The following AAK1 variants were observed in gnomAD, a reference collection of about 807,000 sequenced individuals.
The protein encoded by AAK1 is AP2-associated protein kinase 1.
A neutral mutation model predicts 116.0 loss-of-function variants in AAK1; 37 were observed. The observed-to-expected ratio is 0.32, with a 90% CI of 0.25 to 0.42. The LOEUF (loss-of-function observed/expected upper bound fraction) is 0.42. Ranked by LOEUF, AAK1 falls within the 10% of genes least tolerant of loss-of-function variation. AAK1 has a pLI of 1.00. For synonymous variants in AAK1, 458 were observed against 439.9 expected (o/e 1.04, Z -0.51); for missense variants, 919 against 1,170.6 (o/e 0.79, Z 3.14).
intron 2 of AAK1, among the ~76,000 whole-genome samples, chr2:69,557,863 G>C (rs139868398): frequency 6.6e-6 from 1 of 151,972 alleles, no homozygotes; most frequent in Non-Finnish European, 1.5e-5. Context: ...CACTCAATTC[G>C]AATCTAGAAA....
rs1303667767 is a variant in AAK1, at chr2:69,606,613, T to C, written c.163+36265A>G. On this transcript the variant is annotated intron_variant, in intron 2 of 21. Coordinates refer to ENST00000409085, the MANE Select transcript of AAK1 (RefSeq NM_014911.5). ...GAATGACACTAGAAGCCACCAATCATTGATCACTCAATAAATGCTTACAAA... is the reference window on the plus strand; with the variant it reads ...GAATGACACTAGAAGCCACCAATCACTGATCACTCAATAAATGCTTACAAA... Among the ~76,000 whole-genome samples, 6 of 152,188 alleles carry C rather than the reference T, an allele frequency of 3.9e-5. No homozygotes were observed. The East Asian group carries it at 7.7e-4, about 20-fold the overall frequency.
In AAK1 at chr2:69,458,766, A is replaced by C. The variant is rs1170246735; in HGVS notation, c.*17103T>G. 1 of 152,708 alleles carries C rather than the reference A, an allele frequency of 6.5e-6. No homozygotes were observed. Among genetic ancestry groups the C allele is most frequent in the East Asian group, 1.9e-4 (1 of 5,180 alleles). The allele number at this position is 152,708 out of a possible 1,614,324, so 9.5% of individuals were successfully genotyped here. ...CAAATAGGAATCTCTGGTAGACTCA[A>C]AGAGTACAGCTGATTTGCCATTTCA... On this transcript the variant is annotated 3_prime_UTR_variant, in exon 22 of 22. Coordinates refer to ENST00000409085, the MANE Select transcript of AAK1 (RefSeq NM_014911.5).
chr2:69,603,740 AATCATCATC>A (rs144591529), intron 2 of AAK1, among the ~76,000 whole-genome samples: 2 of 151,734 alleles, frequency 1.3e-5, no homozygotes, highest in Non-Finnish European at 2.9e-5. Flanking sequence ...GCAGAATTAA[AATCATCATC>A]ATCATCATCA....
chr2:69,505,548 C>T, intron 16 of AAK1, 21 bp downstream of exon 16: 1 of 1,603,192 alleles, frequency 6.2e-7, no homozygotes, highest in Non-Finnish European at 8.5e-7. Context: ...ACCTCCCGTT[C>T]CAGGTATTTG....
At chr2:69,531,650 AG>A in intron 6 of AAK1, 3 of 995,058 alleles carry the variant, frequency 3.0e-6, no homozygotes, top group Non-Finnish European at 3.6e-6. Context: ...GGAGCAATTT[AG>A]GGTTCAGTAA....
chr2:69,607,551 C>T lies in AAK1; in HGVS notation c.163+35327G>A, dbSNP rs115297709. Reference sequence around the variant, plus strand: ...AAAATAATTTATCAAACACGGGTAACGACTACTGCTAGCTACCAGGATACA... The same window carrying T: ...AAAATAATTTATCAAACACGGGTAATGACTACTGCTAGCTACCAGGATACA... On this transcript the variant is annotated intron_variant, in intron 2 of 21. Coordinates refer to ENST00000409085, the MANE Select transcript of AAK1 (RefSeq NM_014911.5). 5.2e-3 allele frequency among the ~76,000 whole-genome samples: 788 copies of T among 152,246 alleles called. 7 individuals are homozygous for T. The highest frequency in any genetic ancestry group is 0.018 in the African/African-American group (745 of 41,532).
chr2:69,538,363 G>A (rs981546116), intron 5 of AAK1, among the ~76,000 whole-genome samples: 5 of 152,160 alleles, frequency 3.3e-5, no homozygotes, highest in African/African-American at 7.2e-5. Flanking sequence ...GCTGGGGCCC[G>A]CTGCCTTAGC....
chr2:69,601,186 T>C (rs1673561929), intron 2 of AAK1, among the ~76,000 whole-genome samples: 10 of 152,214 alleles, frequency 6.6e-5, no homozygotes. Context: ...GAACCTGCAA[T>C]AGCTAAAGTG....
chr2:69,530,305 G>A (rs1300692273), intron 7 of AAK1, among the ~76,000 whole-genome samples, 165 bp from the exon 8 acceptor site: 1 of 152,148 alleles, frequency 6.6e-6, no homozygotes, highest in African/African-American at 2.4e-5. Flanking sequence ...ACTGTTAGCA[G>A]CTGAGTTACA....
chr2:69,623,457 C>T (rs1674757002), intron 2 of AAK1, among the ~76,000 whole-genome samples: 2 of 152,158 alleles, frequency 1.3e-5, no homozygotes, highest in South Asian at 4.1e-4. Flanking sequence ...CCAGACTCAG[C>T]TCCCTCTGGT....
chr2:69,612,636 T>C (rs951175175), intron 2 of AAK1, among the ~76,000 whole-genome samples: 4 of 152,240 alleles, frequency 2.6e-5, no homozygotes, highest in African/African-American at 9.6e-5. Flanking sequence ...TCTATGGTCC[T>C]TGCCTCCTTC....
intron 11 of AAK1, chr2:69,520,085 C>A: frequency 4.4e-6 from 1 of 229,132 alleles, no homozygotes; most frequent in South Asian, 8.0e-5. Flanking sequence ...ATGCTTTCTA[C>A]CCAATCATCT....
At chr2:69,581,008 T>C (rs6758829) in intron 2 of AAK1, among the ~76,000 whole-genome samples, 78,953 of 151,982 alleles carry the variant, frequency 0.52, 22,948 homozygotes, top group East Asian at 0.78. Flanking sequence ...TTTTTTTTTA[T>C]AGAAGTACAT....
chr2:69,512,008 C>T (rs1429536745), intron 13 of AAK1, among the ~76,000 whole-genome samples: 1 of 152,154 alleles, frequency 6.6e-6, no homozygotes, highest in African/African-American at 2.4e-5. Flanking sequence ...ATTTCAACTC[C>T]TGCACTGAGG....
intron 13 of AAK1, among the ~76,000 whole-genome samples, chr2:69,513,839 A>G (rs1354319348): frequency 6.6e-6 from 1 of 152,230 alleles, no homozygotes; most frequent in Admixed American, 6.5e-5. Flanking sequence ...TTGAAACTGT[A>G]GAGGACAATC....
At chr2:69,527,951 G>A (rs988000547) in intron 8 of AAK1, among the ~76,000 whole-genome samples, 5 of 152,096 alleles carry the variant, frequency 3.3e-5, no homozygotes, top group South Asian at 2.1e-4. Flanking sequence ...AAACAACAAC[G>A]CAAGGCAGCT....
intron 10 of AAK1, 26 bp from the exon 11 acceptor site, chr2:69,521,014 A>T: frequency 6.2e-7 from 1 of 1,613,136 alleles, no homozygotes; most frequent in South Asian, 1.1e-5. Flanking sequence ...AGAAAGGTTC[A>T]TATTAAAGTA....
intron 3 of AAK1, among the ~76,000 whole-genome samples, chr2:69,553,498 T>C (rs1469573695): frequency 6.6e-5 from 9 of 135,822 alleles, no homozygotes; most frequent in Admixed American, 2.5e-4. Context: ...GGCTGGAGTG[T>C]AGTGGCGTGA....
At chr2:69,618,520 T>G (rs978226166) in intron 2 of AAK1, among the ~76,000 whole-genome samples, 4 of 152,180 alleles carry the variant, frequency 2.6e-5, no homozygotes, top group Admixed American at 1.3e-4. Context: ...GTCAGAACTT[T>G]CCTTGCTCTC....
Sources: gnomAD v4.1 joint callset for allele counts (sites outside exome capture counted in the v4.1 genomes callset) on GRCh38, gnomAD v4.1.1 for gene constraint, MANE v1.5 for transcripts, NCBI Gene and HGNC (gene_info 2026-07-23, HGNC 2026-07-21) for gene names.